PUS3: variants seen among roughly 807,000 people sequenced by gnomAD.
The protein encoded by PUS3 is pseudouridine synthase 3, also known as tRNA pseudouridine(38/39) synthase.
In PUS3, 36 loss-of-function variants were observed where a neutral mutation model predicts 43.3. The ratio of observed to expected loss-of-function variants is 0.83; its 90% CI spans 0.64 to 1.10. The LOEUF is 1.10. Among genes scored for constraint, PUS3 ranks in the 50% least tolerant of loss-of-function variants. The pLI is 0.00. For synonymous variants in PUS3, 183 were observed against 199.2 expected (o/e 0.92, Z 0.69); for missense variants, 544 against 589.9 (o/e 0.92, Z 0.81).
At position 125,893,638 on chromosome 11, in the gene PUS3, T is replaced by C; in HGVS notation, c.*147A>G. 1 of 634,378 alleles carries C rather than the reference T, an allele frequency of 1.6e-6. No individual in the cohort carries two copies. Among genetic ancestry groups the C allele is most frequent in the African/African-American group, 1.9e-5 (1 of 52,354 alleles). 39.3% of individuals were successfully genotyped at this position (634,378 alleles called of 1,614,324 possible). On this transcript the variant is annotated 3_prime_UTR_variant, in exon 4 of 4. Transcript: ENST00000227474. ...ATTTCTTATTAAAGCAATAACTTCC[T>C]TAATAGGGCTTTAGTCTTTTTGCTT...
intron 3 of PUS3, among the ~76,000 whole-genome samples, 173 bp downstream of exon 3, chr11:125,895,051 C>CT (rs11384524): frequency 0.086 from 12,182 of 141,982 alleles, 882 homozygotes; most frequent in African/African-American, 0.2. Flanking sequence ...TATGCTATTT[C>CT]TTTTTTTTTT....
At chr11:125,901,565 G>T (rs375393634) in intron 1 of PUS3, among the ~76,000 whole-genome samples, 2 of 152,174 alleles carry the variant, frequency 1.3e-5, no homozygotes, top group East Asian at 3.8e-4. Context: ...TAACATAAAG[G>T]TGAATGACCT....
At chr11:125,899,592 G>A in intron 1 of PUS3, 2 of 1,614,196 alleles carry the variant, frequency 1.2e-6, no homozygotes, top group Non-Finnish European at 1.7e-6. Context: ...CATGTAGAAA[G>A]TAATGTCCCT....
intron 1 of PUS3, among the ~76,000 whole-genome samples, chr11:125,897,565 A>G (rs1039282730): frequency 2.0e-5 from 3 of 152,066 alleles, no homozygotes; most frequent in African/African-American, 7.2e-5. Context: ...AAATGGGCAA[A>G]GACCAAGCAT....
intron 1 of PUS3, among the ~76,000 whole-genome samples, 196 bp from the exon 2 acceptor site, chr11:125,896,526 A>G (rs1414603828): frequency 6.6e-6 from 1 of 152,236 alleles, no homozygotes; most frequent in Admixed American, 6.5e-5. Flanking sequence ...CACAGAGGGA[A>G]AGAACTGTTT....
intron 1 of PUS3, among the ~76,000 whole-genome samples, chr11:125,898,713 G>A (rs778895484): frequency 4.0e-5 from 6 of 151,412 alleles, no homozygotes; most frequent in Non-Finnish European, 5.9e-5. Context: ...TTATATGTAT[G>A]CACGTATATA....
Position 125,895,893 on chromosome 11 carries a change from G to GTATT in PUS3, c.378+10_378+13dup, listed in dbSNP as rs747003138. 2 of 1,608,846 alleles carry GTATT rather than the reference G, an allele frequency of 1.2e-6. No homozygotes were observed. Among genetic ancestry groups the GTATT allele is most frequent in the African/African-American group, 2.7e-5 (2 of 74,932 alleles). On this transcript the variant is annotated intron_variant, in intron 2 of 3. Coordinates refer to ENST00000227474, the MANE Select transcript of PUS3 (RefSeq NM_031307.4). ...AGTATTGCTTGCTTTGAGAAACAGTGTATTGGCCCTTACCTGTCCAAAGGC... is the reference window on the plus strand; with the variant it reads ...AGTATTGCTTGCTTTGAGAAACAGTGTATTTATTGGCCCTTACCTGTCCAAAGGC...
intron 1 of PUS3, chr11:125,900,587 G>T: frequency 5.8e-6 from 2 of 347,500 alleles, no homozygotes; most frequent in South Asian, 2.9e-5. Context: ...CTGTGCTTCA[G>T]TGTGTGTTTT....
intron 3 of PUS3, 93 bp downstream of exon 3, chr11:125,895,131 C>T (rs1944539156): frequency 2.0e-6 from 2 of 1,000,590 alleles, no homozygotes; most frequent in African/African-American, 1.6e-5. Context: ...AGTGCAACCT[C>T]CGCCTCCTGG....
chr11:125,899,353 C>A, intron 1 of PUS3: 2 of 1,612,678 alleles, frequency 1.2e-6, no homozygotes, highest in South Asian at 1.1e-5. Flanking sequence ...GAAGGTCCTA[C>A]AGTGTAGGGG....
intron 1 of PUS3, chr11:125,899,623 C>T: frequency 6.2e-7 from 1 of 1,614,172 alleles, no homozygotes. Context: ...TCTCTGAGGC[C>T]TCCCAAAGAC....
At chr11:125,895,178 G>C in intron 3 of PUS3, 46 bp downstream of exon 3, 1 of 1,464,698 alleles carries the variant, frequency 6.8e-7, no homozygotes, top group East Asian at 2.3e-5. Context: ...GTCCCGAGTA[G>C]CTGGGACTAC....
At chr11:125,898,085 C>G (rs1013775179) in intron 1 of PUS3, among the ~76,000 whole-genome samples, 1 of 151,750 alleles carries the variant, frequency 6.6e-6, no homozygotes, top group African/African-American at 2.4e-5. Flanking sequence ...GTAGTGTTGT[C>G]CTTTACGGTA....
intron 1 of PUS3, chr11:125,900,268 A>C: frequency 6.2e-7 from 1 of 1,613,958 alleles, no homozygotes; most frequent in East Asian, 2.2e-5. Context: ...CTCCTTCTTA[A>C]ATCTTTTTAA....
At position 125,894,139 on chromosome 11, in the gene PUS3, A is replaced by G. The variant is rs943684050; in HGVS notation, c.1092T>C (p.Ser364=). 6.2e-7 allele frequency: 1 copy of G among 1,614,146 alleles called. No homozygotes were observed. ...GAACAGTGTCCAGTCCTTGTAGCAT[A>G]CTATACAACATGTGAGTTTTGACAG... ...NHAVKTHMLY[S]MLQGLDTVPV... is the part of the protein sequence containing the mutation. The change falls in exon 4 of 4, where the codon AGT becomes AGC. Residue 364 remains serine, a synonymous_variant. Coordinates refer to ENST00000227474, the MANE Select transcript of PUS3 (RefSeq NM_031307.4).
rs1555102865 is a variant in PUS3 at position 125,900,216 on chromosome 11, TTGCAAATGG to T, written c.-47+2945_-47+2953del. The T allele has an allele frequency of 1.4e-5, 23 of 1,614,246 alleles. No individual in the cohort carries two copies. Among genetic ancestry groups the T allele is most frequent in the Non-Finnish European group, 1.8e-5 (21 of 1,180,038 alleles). On this transcript the variant is annotated intron_variant, in intron 1 of 3. Coordinates refer to ENST00000227474, the MANE Select transcript of PUS3 (RefSeq NM_031307.4). ...CTCCGTTGGGGTGTTCGTTGTGACCTTGCAAATGGTGTCATACCCAGGAAGCTTCCCTTC... is the reference window on the plus strand; with the variant it reads ...CTCCGTTGGGGTGTTCGTTGTGACCTTGTCATACCCAGGAAGCTTCCCTTC...
At chr11:125,894,324 A>G (rs1565452277) in intron 3 of PUS3, 38 bp from the exon 4 acceptor site, 6 of 1,517,312 alleles carry the variant, frequency 4.0e-6, no homozygotes, top group Non-Finnish European at 5.4e-6. Flanking sequence ...AGAATACATA[A>G]CATCCATCTA....
intron 1 of PUS3, chr11:125,900,567 A>G (rs988158440): frequency 1.8e-5 from 7 of 391,980 alleles, no homozygotes; most frequent in African/African-American, 4.2e-5. Context: ...TTACCTATCA[A>G]TATGAGTTGC....
chr11:125,901,419 C>G (rs1444395833), intron 1 of PUS3, among the ~76,000 whole-genome samples: 1 of 152,152 alleles, frequency 6.6e-6, no homozygotes, highest in African/African-American at 2.4e-5. Context: ...GAATTCTGCT[C>G]ACCTTAAATT....
Sources: allele counts gnomAD v4.1 joint callset (sites outside exome capture counted in the v4.1 genomes callset), GRCh38; gene constraint gnomAD v4.1.1; transcripts MANE v1.5; gene names NCBI Gene and HGNC (gene_info 2026-07-23, HGNC 2026-07-21).